KCNK2: variants seen among roughly 807,000 people sequenced by gnomAD.
KCNK2 encodes the protein potassium channel subfamily K member 2.
Under a neutral mutation model 40.5 loss-of-function variants are expected in KCNK2, and 21 were observed. The observed-to-expected ratio is 0.52, with a 90% CI of 0.37 to 0.75. The LOEUF is 0.75. Ranked by LOEUF, KCNK2 falls within the 30% of genes least tolerant of loss-of-function variation. The pLI, the probability that KCNK2 is intolerant of heterozygous loss-of-function variation, is 0.00. For missense variants in KCNK2, 399 were observed against 531.6 expected, an observed-to-expected ratio of 0.75 and a Z score of 2.45; for synonymous variants, 191 against 202.2, an observed-to-expected ratio of 0.94 and a Z score of 0.47.
At chr1:215,121,818 A>G (rs1405541679) in intron 2 of KCNK2, among the ~76,000 whole-genome samples, 3 of 152,230 alleles carry the variant, frequency 2.0e-5, no homozygotes. Context: ...TTTTAGAGAC[A>G]TAATTATTTA....
chr1:215,040,287 C>G (rs1032486417), intron 1 of KCNK2, among the ~76,000 whole-genome samples: 2 of 152,046 alleles, frequency 1.3e-5, no homozygotes, highest in Admixed American at 1.3e-4. Flanking sequence ...TTAAATGTGT[C>G]CATAAGACAA....
At chr1:215,048,054 A>C (rs1354771072) in intron 1 of KCNK2, among the ~76,000 whole-genome samples, 2 of 152,182 alleles carry the variant, frequency 1.3e-5, no homozygotes, top group African/African-American at 4.8e-5. Context: ...TATTATTTCC[A>C]ATTAAGTTTA....
At chr1:215,228,905 A>G (rs1022488497) in intron 6 of KCNK2, among the ~76,000 whole-genome samples, 4 of 152,138 alleles carry the variant, frequency 2.6e-5, no homozygotes, top group Admixed American at 1.3e-4. Context: ...GAGTCCGTAC[A>G]TTAGGGGATT....
chr1:215,121,076 T>C (rs775144190), intron 2 of KCNK2, among the ~76,000 whole-genome samples: 34 of 152,202 alleles, frequency 2.2e-4, no homozygotes, highest in Non-Finnish European at 4.3e-4. Flanking sequence ...GGAAAGACTG[T>C]TCAGTCCAAT....
intron 5 of KCNK2, among the ~76,000 whole-genome samples, chr1:215,184,035 T>C (rs1158335082): frequency 1.3e-5 from 2 of 152,178 alleles, no homozygotes; most frequent in African/African-American, 4.8e-5. Flanking sequence ...GCACTGTAGA[T>C]GTACAGAGGA....
chr1:215,028,605 A>G lies in KCNK2; in HGVS notation c.34+22650A>G, dbSNP rs374854570. On this transcript the variant is annotated intron_variant, in intron 1 of 6. Transcript: ENST00000391895. ...AATTACTTTTAGTTCTTCTTCTTTA[A>G]TAACAGACATTTAAAAGCTATGCAT... Among the ~76,000 whole-genome samples the G allele has an allele frequency of 9.9e-4, 151 of 152,090 alleles. 5 individuals carry two copies. The South Asian group carries it at 0.031, about 31-fold the overall frequency.
In KCNK2 at chr1:215,208,873, G is replaced by C. The variant is rs139131165; in HGVS notation, c.963+13781G>C. ...GATGGAGTCTCGTTCTGTGGACCAGGCTGGAGTGCAGTGGCACCATCTTGG... is the reference window on the plus strand; with the variant it reads ...GATGGAGTCTCGTTCTGTGGACCAGCCTGGAGTGCAGTGGCACCATCTTGG... On this transcript the variant is annotated intron_variant, in intron 6 of 6. Coordinates refer to ENST00000444842, the MANE Select transcript of KCNK2 (RefSeq NM_001017425.3). Among the ~76,000 whole-genome samples the C allele has an allele frequency of 1.5e-3, 235 of 152,028 alleles. 2 individuals carry two copies. The highest frequency in any genetic ancestry group is 0.01 in the Middle Eastern group (3 of 294).
chr1:215,021,621 C>T (rs912068275), intron 1 of KCNK2, among the ~76,000 whole-genome samples: 2 of 148,338 alleles, frequency 1.3e-5, no homozygotes, highest in Non-Finnish European at 3.0e-5. Context: ...TCTCCGCTCG[C>T]TGCAAGCTCC....
intron 3 of KCNK2, among the ~76,000 whole-genome samples, chr1:215,143,718 GC>G (rs1662287200): frequency 6.6e-6 from 1 of 152,060 alleles, no homozygotes; most frequent in African/African-American, 2.4e-5. Flanking sequence ...GCCTCTAGTG[GC>G]CAGGGGAGCC....
At chr1:215,127,040 A>C (rs56150324) in intron 3 of KCNK2, among the ~76,000 whole-genome samples, 1 of 152,182 alleles carries the variant, frequency 6.6e-6, no homozygotes, top group Non-Finnish European at 1.5e-5. Context: ...TAATATTGCT[A>C]ATGATAATAA....
At chr1:215,030,812 G>A (rs959677339) in intron 1 of KCNK2, among the ~76,000 whole-genome samples, 1 of 151,326 alleles carries the variant, frequency 6.6e-6, no homozygotes, top group Non-Finnish European at 1.5e-5. Flanking sequence ...CTCCCAAAGT[G>A]CTGGGGATTA....
chr1:215,018,716 G>A (rs190288666), intron 1 of KCNK2, among the ~76,000 whole-genome samples: 13 of 152,116 alleles, frequency 8.5e-5, no homozygotes, highest in Admixed American at 2.0e-4. Flanking sequence ...GGGGAATTAC[G>A]CATGGCCAGT....
chr1:215,151,941 T>C (rs1240340207), intron 3 of KCNK2, among the ~76,000 whole-genome samples: 1 of 152,152 alleles, frequency 6.6e-6, no homozygotes, highest in Non-Finnish European at 1.5e-5. Context: ...TTACAGTAAT[T>C]CTTCTTCTAA....
intron 6 of KCNK2, among the ~76,000 whole-genome samples, chr1:215,232,430 G>C (rs1453108637): frequency 2.0e-5 from 3 of 152,164 alleles, no homozygotes; most frequent in Non-Finnish European, 4.4e-5. Context: ...TCTACAGATA[G>C]AAGAAAAACA....
chr1:215,228,988 T>C (rs1666508979), intron 6 of KCNK2, among the ~76,000 whole-genome samples: 1 of 151,216 alleles, frequency 6.6e-6, no homozygotes, highest in East Asian at 2.0e-4. Context: ...GTGGGCTGCA[T>C]GCAGCCCAGG....
intron 1 of KCNK2, among the ~76,000 whole-genome samples, chr1:215,040,265 T>C (rs1657520398): frequency 6.6e-6 from 1 of 152,172 alleles, no homozygotes; most frequent in South Asian, 2.1e-4. Flanking sequence ...AGAAACTTGT[T>C]ACCATTAATT....
chr1:215,101,903 A>G (rs965788685), intron 2 of KCNK2, among the ~76,000 whole-genome samples: 2 of 152,038 alleles, frequency 1.3e-5, no homozygotes, highest in Admixed American at 1.3e-4. Flanking sequence ...GATAATGACA[A>G]TAAACAACTG....
chr1:215,104,562 C>G (rs1660354940), intron 2 of KCNK2, among the ~76,000 whole-genome samples: 1 of 151,980 alleles, frequency 6.6e-6, no homozygotes, highest in African/African-American at 2.4e-5. Flanking sequence ...TGAAACGTCT[C>G]AGAATTTTAG....
chr1:215,232,739 A>G (rs1433036883), intron 6 of KCNK2, among the ~76,000 whole-genome samples: 1 of 152,194 alleles, frequency 6.6e-6, no homozygotes, highest in Non-Finnish European at 1.5e-5. Context: ...ACCAAAGTAA[A>G]GTGGTGGCGG....
Sources: gnomAD v4.1 joint callset for allele counts (sites outside exome capture counted in the v4.1 genomes callset) on GRCh38, gnomAD v4.1.1 for gene constraint, MANE v1.5 for transcripts, NCBI Gene and HGNC (gene_info 2026-07-23, HGNC 2026-07-21) for gene names.